SNX4: variants seen among roughly 807,000 people sequenced by gnomAD.
SNX4 encodes the protein sorting nexin 4.
A neutral mutation model predicts 70.8 loss-of-function variants in SNX4; 49 were observed. The ratio of observed to expected loss-of-function variants is 0.69; its 90% CI spans 0.55 to 0.88. The LOEUF is 0.88. Ranked by LOEUF, SNX4 falls within the 40% of genes least tolerant of loss-of-function variation. The pLI is 0.00. For synonymous variants in SNX4, 206 were observed against 183.8 expected (o/e 1.12, Z -0.98); for missense variants, 528 against 544.8 (o/e 0.97, Z 0.31).
intron 1 of SNX4, among the ~76,000 whole-genome samples, chr3:125,509,553 G>A (rs1290684042): frequency 6.6e-6 from 1 of 151,626 alleles, no homozygotes; most frequent in Admixed American, 6.6e-5. Flanking sequence ...GGAGTTCAAG[G>A]CCAGCCTAGC....
chr3:125,496,116 C>A (rs1290114217), intron 5 of SNX4, among the ~76,000 whole-genome samples: 2 of 152,044 alleles, frequency 1.3e-5, no homozygotes, highest in Non-Finnish European at 2.9e-5. Context: ...ATAGTGAGAC[C>A]TCATCTCTAC....
At chr3:125,472,726 G>A (rs551565216) in intron 8 of SNX4, among the ~76,000 whole-genome samples, 1 of 152,054 alleles carries the variant, frequency 6.6e-6, no homozygotes, top group African/African-American at 2.4e-5. Flanking sequence ...TCCCCCAAAA[G>A]AGAATTCTCT....
chr3:125,509,624 G>C (rs1416052719), intron 1 of SNX4, among the ~76,000 whole-genome samples: 3 of 151,696 alleles, frequency 2.0e-5, no homozygotes, highest in African/African-American at 7.3e-5. Flanking sequence ...GTGGTGGTGA[G>C]TTGCCTATAT....
chr3:125,519,912 G>C, intron 1 of SNX4, 120 bp downstream of exon 1: 2 of 942,066 alleles, frequency 2.1e-6, no homozygotes, highest in Non-Finnish European at 3.0e-6. Context: ...CCCCCTCACT[G>C]CTGGGCCTCC....
rs1377391869 is a variant in SNX4 at position 125,469,459 on chromosome 3, CAT to C, written c.847_848del (p.Met283GlyfsTer8). 6.2e-7 allele frequency: 1 copy of C among 1,612,048 alleles called. No individual in the cohort carries two copies. The highest frequency in any genetic ancestry group is 8.5e-7 in the Non-Finnish European group (1 of 1,178,294). On this transcript the variant is annotated frameshift_variant, in exon 9 of 14. Coordinates refer to ENST00000251775, the MANE Select transcript of SNX4 (RefSeq NM_003794.4). LOFTEE classifies it high-confidence loss of function. ...GDGLQSAGHH[M>X]DVYASSIDDI... ...AAAGTTCTCGAGGTACTTACACATC[CAT>C]ATGATGACCAGCACTCTGCAGTCCA... is the stretch of plus-strand genomic sequence containing the variant.
chr3:125,503,251 A>G (rs928047414), intron 2 of SNX4, among the ~76,000 whole-genome samples: 1 of 152,158 alleles, frequency 6.6e-6, no homozygotes, highest in African/African-American at 2.4e-5. Context: ...CAATTCTCTC[A>G]TATCTATTTG....
At chr3:125,508,608 T>C (rs116584543) in intron 1 of SNX4, among the ~76,000 whole-genome samples, 13 of 150,868 alleles carry the variant, frequency 8.6e-5, no homozygotes, top group Non-Finnish European at 1.6e-4. Context: ...ATTGGAGGAC[T>C]CATACTTCCT....
intron 6 of SNX4, among the ~76,000 whole-genome samples, chr3:125,481,574 G>A (rs752497652): frequency 6.6e-6 from 1 of 151,392 alleles, no homozygotes; most frequent in South Asian, 2.1e-4. Flanking sequence ...TTAGCCTCCC[G>A]AGTATCTGGG....
intron 6 of SNX4, among the ~76,000 whole-genome samples, chr3:125,484,078 T>C (rs963988939): frequency 4.6e-5 from 7 of 152,148 alleles, no homozygotes; most frequent in Non-Finnish European, 1.0e-4. Context: ...ATACTATCTA[T>C]CTAAAATCCC....
intron 8 of SNX4, among the ~76,000 whole-genome samples, chr3:125,475,499 G>A (rs910881413): frequency 1.3e-5 from 2 of 152,068 alleles, no homozygotes; most frequent in African/African-American, 4.8e-5. Context: ...TGAGTAGCTG[G>A]GATTATAGGA....
Position 125,447,162 on chromosome 3 carries a change from G to A in SNX4, c.*617C>T, listed in dbSNP as rs1933444500. On this transcript the variant is annotated 3_prime_UTR_variant, in exon 14 of 14. Transcript: ENST00000251775. The stretch of plus-strand genomic sequence containing the variant: ...TCCCATTATAGATCTGAGAAGTTGA[G>A]TCTTCTTTGTTGGCAGTATAAAATT... 6.6e-6 allele frequency: 1 copy of A among 152,606 alleles called. No individual in the cohort carries two copies. The highest frequency in any genetic ancestry group is 2.4e-5 in the African/African-American group (1 of 41,466). The allele number at this position is 152,606 out of a possible 1,614,324, so 9.5% of individuals were successfully genotyped here. A position where few individuals can be genotyped will look rare whatever the true frequency, so the allele number is the denominator to read the frequency against.
In SNX4 at chr3:125,497,846, CAGAT is replaced by C. The variant is rs1490191942; in HGVS notation, c.533_536del (p.Tyr178CysfsTer3). ...AAAAGAAAAATACCTGTGTTAAAAA[CAGAT>C]AGAAGATTTTGTCTCTACAAAGGAT... On this transcript the variant is annotated frameshift_variant, in exon 4 of 14. Transcript: ENST00000251775. LOFTEE classifies it high-confidence loss of function. 2.5e-6 allele frequency: 4 copies of C among 1,600,850 alleles called. No individual in the cohort carries two copies. Among genetic ancestry groups the C allele is most frequent in the African/African-American group, 1.3e-5 (1 of 74,186 alleles).
rs1934113893 is a variant in SNX4, at chr3:125,469,464, G to C, written c.844C>G (p.His282Asp). The C allele has an allele frequency of 1.2e-6, 2 of 1,612,784 alleles. No individual in the cohort carries two copies. Among genetic ancestry groups the C allele is most frequent in the Non-Finnish European group, 1.7e-6 (2 of 1,178,928 alleles). ...MGDGLQSAGH[H>D]MDVYASSIDD... ...TCTCGAGGTACTTACACATCCATAT[G>C]ATGACCAGCACTCTGCAGTCCATCA... The change falls in exon 9 of 14, where the codon CAT becomes GAT. Residue 282 changes from histidine to aspartate, a missense_variant. Physicochemically the swap from His to Asp is moderately conservative, Grantham distance 81 (BLOSUM62 -1). Around this residue, in one of 3 missense-constraint regions of SNX4, gnomAD observed 28 missense variants for 60.0 expected, o/e 0.47. Coordinates refer to ENST00000251775, the MANE Select transcript of SNX4 (RefSeq NM_003794.4).
At chr3:125,462,552 T>C (rs913104592) in intron 9 of SNX4, among the ~76,000 whole-genome samples, 1 of 145,500 alleles carries the variant, frequency 6.9e-6, no homozygotes, top group Admixed American at 6.9e-5. Flanking sequence ...GAATGTGCCA[T>C]TGTATTCAAG....
chr3:125,508,391 C>T (rs1015483316), intron 1 of SNX4, among the ~76,000 whole-genome samples: 1 of 152,058 alleles, frequency 6.6e-6, no homozygotes, highest in African/African-American at 2.4e-5. Context: ...CACGGTGAAA[C>T]CCCGTCACTA....
chr3:125,453,089 T>C (rs567876953), intron 12 of SNX4, among the ~76,000 whole-genome samples: 1 of 152,342 alleles, frequency 6.6e-6, no homozygotes, highest in South Asian at 2.1e-4. Context: ...AGTGGGTCTC[T>C]GAGAACTGAA....
In SNX4 at chr3:125,469,219, T is replaced by C. The variant is rs1042773270; in HGVS notation, c.854+235A>G. ...TCATCAAATGCTTTTTCTACATGTA[T>C]GGAAATGAACATACCTTCAATGTTT... On this transcript the variant is annotated intron_variant, in intron 9 of 13. Coordinates refer to ENST00000251775, the MANE Select transcript of SNX4 (RefSeq NM_003794.4). Among the ~76,000 whole-genome samples, 4 of 152,222 alleles carry C rather than the reference T, an allele frequency of 2.6e-5. No homozygotes were observed. In the East Asian group the frequency reaches 5.8e-4, roughly 22 times the overall value.
chr3:125,468,525 A>G (rs1001679495), intron 9 of SNX4, among the ~76,000 whole-genome samples: 1 of 151,656 alleles, frequency 6.6e-6, no homozygotes, highest in Non-Finnish European at 1.5e-5. Flanking sequence ...ACACAGCAAG[A>G]CCCCATCTCT....
At chr3:125,480,970 C>G (rs369195149) in intron 6 of SNX4, among the ~76,000 whole-genome samples, 17 of 152,116 alleles carry the variant, frequency 1.1e-4, no homozygotes, top group African/African-American at 3.6e-4. Flanking sequence ...CTATAAACTT[C>G]TTCTCATCAG....
Sources: allele counts gnomAD v4.1 joint callset (sites outside exome capture counted in the v4.1 genomes callset), GRCh38; gene constraint gnomAD v4.1.1; regional missense constraint gnomAD v4.1.1; transcripts MANE v1.5; gene names NCBI Gene and HGNC (gene_info 2026-07-23, HGNC 2026-07-21).